ZNF701: variants seen among roughly 807,000 people sequenced by gnomAD.
ZNF701 encodes the protein zinc finger protein 701.
Under a neutral mutation model 7.1 loss-of-function variants are expected in ZNF701, and 6 were observed. The observed-to-expected ratio is 0.84, with a 90% CI of 0.46 to 1.66. The LOEUF (loss-of-function observed/expected upper bound fraction) is 1.66, where lower values mean the gene tolerates loss of function less well. Among genes scored for constraint, ZNF701 ranks in the 40% most tolerant of loss-of-function variants. The pLI is 0.01. For missense variants in ZNF701, 541 were observed against 559.2 expected, an observed-to-expected ratio of 0.97 and a Z score of 0.33; for synonymous variants, 166 against 188.2, an observed-to-expected ratio of 0.88 and a Z score of 0.97.
chr19:52,582,856 G>A lies in ZNF701; in HGVS notation c.797G>A (p.Gly266Asp). The change falls in exon 4 of 4, where the codon GGT becomes GAT. Residue 266 changes from glycine to aspartate, a missense_variant. Coordinates refer to ENST00000391785, the MANE Select transcript of ZNF701 (RefSeq NM_018260.3). ...RYLACHRCHT[G>D]ENPYTCNECG... ...CTTGCATGCCATAGATGTCACACTGGTGAGAATCCTTACACGTGTAATGAG... is the reference window on the plus strand; with the variant it reads ...CTTGCATGCCATAGATGTCACACTGATGAGAATCCTTACACGTGTAATGAG... 3.1e-6 allele frequency: 5 copies of A among 1,614,144 alleles called. No homozygotes were observed. Among genetic ancestry groups the A allele is most frequent in the Non-Finnish European group, 4.2e-6 (5 of 1,179,996 alleles).
the ZNF701 span, chr19:52,597,139 T>G: frequency 1.3e-6 from 1 of 750,142 alleles, no homozygotes. Context: ...TATCTTGCAG[T>G]TTATCAGCGA....
intron 3 of ZNF701, among the ~76,000 whole-genome samples, chr19:52,580,841 C>T (rs1414381362): frequency 6.6e-6 from 1 of 152,064 alleles, no homozygotes; most frequent in Non-Finnish European, 1.5e-5. Flanking sequence ...TCACAAAGTG[C>T]TGCTGGGCAC....
chr19:52,582,934 A>C lies in ZNF701; in HGVS notation c.875A>C (p.His292Pro), dbSNP rs777598299. The change falls in exon 4 of 4, where the codon CAT (histidine) becomes CCT (proline). Residue 292 changes from histidine (H) to proline (P), a missense_variant. Transcript: ENST00000391785. ...GCCCTGTTAGTTCACAAGGCAATTC[A>C]TACTGGAGAGAAACCTTACAAGTGT... ...NSALLVHKAI[H>P]TGEKPYKCNE... 6 of 1,614,166 alleles carry C rather than the reference A, an allele frequency of 3.7e-6. No homozygotes were observed. The highest frequency in any genetic ancestry group is 4.2e-6 in the Non-Finnish European group (5 of 1,180,004).
chr19:52,577,801 CCG>C (rs1353111060), intron 3 of ZNF701, among the ~76,000 whole-genome samples: 4 of 152,178 alleles, frequency 2.6e-5, no homozygotes, highest in African/African-American at 7.2e-5. Context: ...CCAGGCCTGC[CCG>C]CAGTCATCCG....
rs1021805328 is a variant in ZNF701, at chr19:52,583,017, C to T, written c.958C>T (p.His320Tyr). 13 of 1,613,628 alleles carry T rather than the reference C, an allele frequency of 8.1e-6. No individual in the cohort carries two copies. In the African/African-American group the frequency reaches 1.2e-4, roughly 15 times the overall value. ...AAACCTTGCACGTCATCATAGAGTTCATACTGGAGAGAAACCTTACAAATG... is the reference window on the plus strand; with the variant it reads ...AAACCTTGCACGTCATCATAGAGTTTATACTGGAGAGAAACCTTACAAATG... ...QSNLARHHRV[H>Y]TGEKPYKCEE... Residue 320 changes from histidine to tyrosine, a missense_variant, in exon 4 of 4, where the codon CAT becomes TAT. His to Tyr is a moderately conservative substitution (Grantham distance 83). Transcript: ENST00000391785.
At chr19:52,582,156 A>G (rs767534617) in intron 3 of ZNF701, 46 bp from the exon 4 acceptor site, 2 of 1,476,554 alleles carry the variant, frequency 1.4e-6, no homozygotes, top group South Asian at 2.8e-5. Flanking sequence ...AGTATTGTAT[A>G]ACTTCCGTAC....
rs1438760804 is a variant in ZNF701, at chr19:52,582,878, T to A, written c.819T>A (p.Asn273Lys). The change falls in exon 4 of 4, where the codon AAT becomes AAA. Residue 273 changes from asparagine to lysine, a missense_variant. Asn to Lys is a moderately conservative substitution (Grantham distance 94, BLOSUM62 0). Coordinates refer to ENST00000391785, the MANE Select transcript of ZNF701 (RefSeq NM_018260.3). ...CHTGENPYTCNECGKTFSHNS... is the reference protein window; with the variant it reads ...CHTGENPYTCKECGKTFSHNS... Reference sequence around the variant, plus strand: ...CTGGTGAGAATCCTTACACGTGTAATGAGTGTGGCAAGACATTCAGTCACA... The same window carrying A: ...CTGGTGAGAATCCTTACACGTGTAAAGAGTGTGGCAAGACATTCAGTCACA... 6.2e-7 allele frequency: 1 copy of A among 1,613,048 alleles called. No individual in the cohort carries two copies.
intron 3 of ZNF701, among the ~76,000 whole-genome samples, chr19:52,578,278 A>AG (rs2059950151): frequency 1.3e-5 from 2 of 149,426 alleles, no homozygotes; most frequent in Non-Finnish European, 1.5e-5. Flanking sequence ...AAAAAAAAAA[A>AG]GAAGTGTATA....
intron 1 of ZNF701, chr19:52,570,610 C>T (rs2059891361): frequency 6.6e-6 from 1 of 152,292 alleles, no homozygotes; most frequent in Admixed American, 6.5e-5. Flanking sequence ...CCTCCCTCCC[C>T]GCGCTTTTCA....
chr19:52,584,072 C>A lies in ZNF701; in HGVS notation c.*615C>A. ...ATGATTGTGAGCAAAGCCTTTACTT[C>A]ACGTTCACACCACATTAGATATCAG... On this transcript the variant is annotated 3_prime_UTR_variant, in exon 4 of 4. Coordinates refer to ENST00000391785, the MANE Select transcript of ZNF701 (RefSeq NM_018260.3). The A allele has an allele frequency of 2.2e-6, 1 of 446,936 alleles. No individual in the cohort carries two copies. Among genetic ancestry groups the A allele is most frequent in the South Asian group, 1.7e-5 (1 of 60,512 alleles). The allele number at this position is 446,936 out of a possible 1,614,324, so 27.7% of individuals were successfully genotyped here.
At chr19:52,575,456 A>G (rs74422506) in intron 2 of ZNF701, among the ~76,000 whole-genome samples, 1 of 151,698 alleles carries the variant, frequency 6.6e-6, no homozygotes, top group African/African-American at 2.4e-5. Context: ...TTTTTTTTTA[A>G]CATATACAAA....
rs952236598 is a variant in ZNF701 at position 52,584,835 on chromosome 19, C to T, written c.*1378C>T. 6.6e-6 allele frequency: 1 copy of T among 152,270 alleles called. No individual in the cohort carries two copies. The highest frequency in any genetic ancestry group is 2.4e-5 in the African/African-American group (1 of 41,458). The allele number at this position is 152,270 out of a possible 1,614,324, so 9.4% of individuals were successfully genotyped here. On this transcript the variant is annotated 3_prime_UTR_variant, in exon 4 of 4. Transcript: ENST00000391785. ...TTTTGGTTGACTCAGGCCCCGCCCA[C>T]CTCTTCGCCTCCCGTCTGGCCTGAC...
At chr19:52,571,876 T>G (rs1204880782) in intron 1 of ZNF701, among the ~76,000 whole-genome samples, 5 of 151,924 alleles carry the variant, frequency 3.3e-5, no homozygotes, top group Non-Finnish European at 7.4e-5. Context: ...CGTGCTGGAG[T>G]GCAATGGTGC....
chr19:52,575,049 A>G (rs926488050), intron 2 of ZNF701, among the ~76,000 whole-genome samples: 1 of 152,152 alleles, frequency 6.6e-6, no homozygotes, highest in African/African-American at 2.4e-5. Flanking sequence ...CGCTCACTGG[A>G]AGCTCCGCCT....
chr19:52,598,070 G>C, the ZNF701 span: 1 of 152,132 alleles, frequency 6.6e-6, no homozygotes, highest in African/African-American at 2.4e-5. Flanking sequence ...TCAGCCTCCC[G>C]AGTAGCTGGG....
At position 52,579,874 on chromosome 19, in the gene ZNF701, AAAATAAATAAAT is replaced by A. The variant is rs78296394; in HGVS notation, c.143-2308_143-2297del. Among the ~76,000 whole-genome samples, 6 of 135,160 alleles carry A rather than the reference AAAATAAATAAAT, an allele frequency of 4.4e-5. 1 individual carries two copies. The highest frequency in any genetic ancestry group is 1.7e-4 in the African/African-American group (5 of 29,794). The allele number at this position is 135,160 out of a possible 152,430, so 88.7% of individuals were successfully genotyped here. A position where few individuals can be genotyped will look rare whatever the true frequency, so the allele number is the denominator to read the frequency against. On this transcript the variant is annotated intron_variant, in intron 3 of 3. Coordinates refer to ENST00000391785, the MANE Select transcript of ZNF701 (RefSeq NM_018260.3). ...GGGAGACAGAGTGAGACTCCATCTCAAAATAAATAAATAAATAAATAAATAAATAAAGTTTCA... is the reference window on the plus strand; with the variant it reads ...GGGAGACAGAGTGAGACTCCATCTCAAAATAAATAAATAAATAAAGTTTCA...
downstream of ZNF701, among the ~76,000 whole-genome samples, chr19:52,591,157 A>C (rs2060035403): frequency 6.6e-6 from 1 of 151,834 alleles, no homozygotes; most frequent in Non-Finnish European, 1.5e-5. Context: ...TTTTATGTAG[A>C]AAATACATTA....
At chr19:52,599,355 A>C in the ZNF701 span, among the ~76,000 whole-genome samples, 2 of 152,196 alleles carry the variant, frequency 1.3e-5, no homozygotes, top group African/African-American at 4.8e-5. Context: ...AATAACTTCA[A>C]TTTAAGGCTA....
chr19:52,576,139 G>A (rs1238439442), intron 3 of ZNF701, 118 bp downstream of exon 3: 2 of 1,572,138 alleles, frequency 1.3e-6, no homozygotes, highest in Admixed American at 2.0e-5. Context: ...TATTGAGTTA[G>A]AAATGAAAAG....
Sources: gnomAD v4.1 joint callset for allele counts (sites outside exome capture counted in the v4.1 genomes callset) on GRCh38, gnomAD v4.1.1 for gene constraint, MANE v1.5 for transcripts, NCBI Gene and HGNC (gene_info 2026-07-23, HGNC 2026-07-21) for gene names.